Variants in PRKAR2B observed in about 807,000 individuals in gnomAD.
The protein encoded by PRKAR2B is protein kinase cAMP-dependent type II regulatory subunit beta, also known as cAMP-dependent protein kinase type II-beta regulatory subunit.
A neutral mutation model predicts 49.9 loss-of-function variants in PRKAR2B; 14 were observed. The observed-to-expected ratio is 0.28, with a 90% CI of 0.19 to 0.44. The LOEUF (loss-of-function observed/expected upper bound fraction) is 0.44, where lower values mean the gene tolerates loss of function less well. Among genes scored for constraint, PRKAR2B ranks in the 20% least tolerant of loss-of-function variants. The pLI is 1.00. For missense variants in PRKAR2B, 393 were observed against 537.9 expected, an observed-to-expected ratio of 0.73 and a Z score of 2.67; for synonymous variants, 196 against 197.7, an observed-to-expected ratio of 0.99 and a Z score of 0.07.
chr7:107,150,951 GA>G lies in PRKAR2B; in HGVS notation c.776del (p.Asn259ThrfsTer28). The stretch of plus-strand genomic sequence containing the variant: ...GGGTAACCTTCAGGAGAATAATTGT[GA>G]AAAACAATGCCAAAAAGAGAAAAAT... ...DRVTFRRIIV[K>X]NNAKKRKMYE... On this transcript the variant is annotated frameshift_variant, in exon 7 of 11. Transcript: ENST00000265717. LOFTEE classifies it high-confidence loss of function. 1.3e-6 allele frequency: 2 copies of G among 1,599,646 alleles called. No homozygotes were observed. Among genetic ancestry groups the G allele is most frequent in the Non-Finnish European group, 1.7e-6 (2 of 1,174,282 alleles).
At chr7:107,086,587 A>G (rs1369755964) in intron 2 of PRKAR2B, among the ~76,000 whole-genome samples, 2 of 151,744 alleles carry the variant, frequency 1.3e-5, no homozygotes, top group Non-Finnish European at 2.9e-5. Context: ...TCAGCCTCCC[A>G]CAAGCTGGGA....
Position 107,079,337 on chromosome 7 carries a change from A to T in PRKAR2B, c.343+9021A>T, listed in dbSNP as rs545316516. 3 of 152,254 alleles carry T rather than the reference A, an allele frequency of 2.0e-5. No individual in the cohort carries two copies. The South Asian group carries it at 6.2e-4, about 32-fold the overall frequency. 9.4% of individuals were successfully genotyped at this position (152,254 alleles called of 1,614,324 possible). On this transcript the variant is annotated intron_variant, in intron 2 of 10. Transcript: ENST00000265717. ...TGTACTTATCTTATTGCAGATTGCC[A>T]TGGCTTAGGTGATACAACCGTGGTG...
At chr7:107,138,998 G>GA (rs906725007) in intron 4 of PRKAR2B, among the ~76,000 whole-genome samples, 5 of 150,722 alleles carry the variant, frequency 3.3e-5, no homozygotes, top group African/African-American at 4.9e-5. Flanking sequence ...CTATTTTAAA[G>GA]AAAAAAAAAT....
At chr7:107,123,510 G>T (rs1795425725) in intron 3 of PRKAR2B, among the ~76,000 whole-genome samples, 1 of 152,192 alleles carries the variant, frequency 6.6e-6, no homozygotes, top group African/African-American at 2.4e-5. Context: ...TGTAGGCCTG[G>T]CAGGCAGGAG....
intron 5 of PRKAR2B, among the ~76,000 whole-genome samples, chr7:107,142,360 T>C (rs899304701): frequency 1.3e-5 from 2 of 152,194 alleles, no homozygotes; most frequent in Non-Finnish European, 2.9e-5. Flanking sequence ...AAACCAGTTA[T>C]CTATATGTGA....
At chr7:107,140,310 T>C (rs924134014) in intron 4 of PRKAR2B, among the ~76,000 whole-genome samples, 1 of 152,214 alleles carries the variant, frequency 6.6e-6, no homozygotes, top group African/African-American at 2.4e-5. Flanking sequence ...AGTGACAGAA[T>C]ATTTGCCACA....
intron 2 of PRKAR2B, among the ~76,000 whole-genome samples, chr7:107,117,534 C>G (rs980921711): frequency 6.6e-6 from 1 of 152,188 alleles, no homozygotes; most frequent in Non-Finnish European, 1.5e-5. Flanking sequence ...GTGCAAGACT[C>G]TGCCAGAGCT....
Position 107,084,436 on chromosome 7 carries a change from A to G in PRKAR2B, c.343+14120A>G, listed in dbSNP as rs539681641. On this transcript the variant is annotated intron_variant, in intron 2 of 10. Transcript: ENST00000265717. ...TGTTGCCAACCATATTAGTGGATATATATCTAGAAATATGTAAAGCGTAGT... is the reference window on the plus strand; with the variant it reads ...TGTTGCCAACCATATTAGTGGATATGTATCTAGAAATATGTAAAGCGTAGT... Among the ~76,000 whole-genome samples the G allele has an allele frequency of 2.0e-5, 3 of 152,234 alleles. No homozygotes were observed. In the South Asian group the frequency reaches 6.2e-4, roughly 32 times the overall value.
intron 5 of PRKAR2B, 141 bp from the exon 6 acceptor site, chr7:107,146,167 G>A: frequency 1.2e-6 from 1 of 840,926 alleles, no homozygotes; most frequent in Middle Eastern, 3.7e-4. Flanking sequence ...AGATGGCACA[G>A]ATTGATTCCC....
chr7:107,106,538 A>T (rs182476656), intron 2 of PRKAR2B, among the ~76,000 whole-genome samples: 123 of 152,292 alleles, frequency 8.1e-4, no homozygotes, highest in Non-Finnish European at 1.4e-3. Flanking sequence ...CCTTTGCATA[A>T]AGCCAAATCA....
chr7:107,101,680 A>G (rs1794968329), intron 2 of PRKAR2B, among the ~76,000 whole-genome samples: 1 of 151,810 alleles, frequency 6.6e-6, no homozygotes, highest in African/African-American at 2.4e-5. Context: ...CTTTTCTTGT[A>G]TTCTCTCAAT....
At chr7:107,131,794 T>C (rs1375969543) in intron 4 of PRKAR2B, among the ~76,000 whole-genome samples, 3 of 152,238 alleles carry the variant, frequency 2.0e-5, no homozygotes, top group African/African-American at 7.2e-5. Context: ...TTTAAGCTCA[T>C]ATTGTAAAGT....
chr7:107,050,692 C>T (rs950280141), intron 1 of PRKAR2B, among the ~76,000 whole-genome samples: 1 of 152,060 alleles, frequency 6.6e-6, no homozygotes, highest in Admixed American at 6.5e-5. Flanking sequence ...ACTGAAGTGA[C>T]TAACTGCAGG....
chr7:107,050,976 G>A (rs915585186), intron 1 of PRKAR2B, among the ~76,000 whole-genome samples: 3 of 152,124 alleles, frequency 2.0e-5, no homozygotes, highest in East Asian at 1.9e-4. Context: ...AATTAGAGGC[G>A]TGAGCCACTG....
Position 107,146,288 on chromosome 7 carries a change from A to G in PRKAR2B, c.588-20A>G, listed in dbSNP as rs898159353. The G allele has an allele frequency of 6.2e-7, 1 of 1,600,848 alleles. No homozygotes were observed. Among genetic ancestry groups the G allele is most frequent in the African/African-American group, 1.3e-5 (1 of 74,472 alleles). ...TGATATTTTATTTGAATTAACCTCCAATCTACATATGTCCAACAGAGGCAC... is the reference window on the plus strand; with the variant it reads ...TGATATTTTATTTGAATTAACCTCCGATCTACATATGTCCAACAGAGGCAC... On this transcript the variant is annotated intron_variant, in intron 5 of 10. Coordinates refer to ENST00000265717, the MANE Select transcript of PRKAR2B (RefSeq NM_002736.3).
In PRKAR2B at chr7:107,157,339, A is replaced by G. The variant is rs762977951; in HGVS notation, c.1123+15A>G. 9 of 1,603,390 alleles carry G rather than the reference A, an allele frequency of 5.6e-6. 1 individual carries two copies. The South Asian group carries it at 6.7e-5, about 12-fold the overall frequency. Reference sequence around the variant, plus strand: ...CAAATGTTTAGGTAGGGATTGCAACAGTGGGCGTGCTTCTGCTGGTTGAAC... The same window carrying G: ...CAAATGTTTAGGTAGGGATTGCAACGGTGGGCGTGCTTCTGCTGGTTGAAC... On this transcript the variant is annotated intron_variant, in intron 10 of 10. Transcript: ENST00000265717.
intron 1 of PRKAR2B, among the ~76,000 whole-genome samples, chr7:107,062,525 A>G (rs1178654440): frequency 6.6e-6 from 1 of 152,198 alleles, no homozygotes; most frequent in African/African-American, 2.4e-5. Flanking sequence ...CTACAGTGGT[A>G]GAAATCCTAA....
intron 2 of PRKAR2B, among the ~76,000 whole-genome samples, chr7:107,072,479 A>G (rs1485119010): frequency 6.6e-6 from 1 of 152,198 alleles, no homozygotes; most frequent in Non-Finnish European, 1.5e-5. Context: ...ATTATTTAAT[A>G]CTTTGAATAA....
intron 2 of PRKAR2B, among the ~76,000 whole-genome samples, chr7:107,116,046 A>T (rs1485876022): frequency 6.6e-6 from 1 of 152,222 alleles, no homozygotes; most frequent in Admixed American, 6.5e-5. Context: ...CACTGAGATT[A>T]TGGCAGTGTT....
Sources: gnomAD v4.1 joint callset for allele counts (sites outside exome capture counted in the v4.1 genomes callset) on GRCh38, gnomAD v4.1.1 for gene constraint, MANE v1.5 for transcripts, NCBI Gene and HGNC (gene_info 2026-07-23, HGNC 2026-07-21) for gene names.